The following RUNX1T1 variants were observed in gnomAD, a reference collection of about 807,000 sequenced individuals.
RUNX1T1 encodes the protein protein CBFA2T1.
RUNX1T1 carries 4 observed loss-of-function variants against 62.8 expected under a neutral mutation model. The observed-to-expected ratio is 0.06, with a 90% confidence interval of 0.03 to 0.15. The LOEUF is 0.15. Ranked by LOEUF, RUNX1T1 falls within the 10% of genes least tolerant of loss-of-function variation. The pLI is 1.00. For synonymous variants in RUNX1T1, 291 were observed against 286.0 expected (o/e 1.02, Z -0.18); for missense variants, 508 against 754.3 (o/e 0.67, Z 3.82).
At chr8:92,062,793 C>T in exon 1 of RUNX1T1, 2 of 1,481,310 alleles carry the variant, frequency 1.4e-6, no homozygotes, top group Admixed American at 4.4e-5. Context: ...GCACATGTGG[C>T]CTTGAACCCA....
chr8:91,977,182 T>G (rs1428546763), intron 8 of RUNX1T1: 1 of 197,742 alleles, frequency 5.1e-6, no homozygotes, highest in Non-Finnish European at 1.0e-5. Context: ...GCAAGAACAT[T>G]AGATTTTCTC....
At chr8:91,999,542 G>A (rs77322353) in intron 5 of RUNX1T1, among the ~76,000 whole-genome samples, 3,528 of 152,180 alleles carry the variant, frequency 0.023, 133 homozygotes, top group African/African-American at 0.08. Context: ...ACAGAATCAC[G>A]GCTATGAGAG....
chr8:92,073,354 T>C (rs1327140410), intron 2 of RUNX1T1, among the ~76,000 whole-genome samples: 1 of 152,130 alleles, frequency 6.6e-6, no homozygotes, highest in Admixed American at 6.5e-5. Context: ...ACCCCTTTAG[T>C]ATCATTTCCC....
chr8:91,975,857 G>A (rs974522999), intron 9 of RUNX1T1, 48 bp downstream of exon 10: 1 of 1,258,990 alleles, frequency 7.9e-7, no homozygotes, highest in African/African-American at 1.5e-5. Context: ...ATTAACAACT[G>A]CACACAGCTG....
upstream of RUNX1T1, among the ~76,000 whole-genome samples, chr8:92,101,816 G>A (rs1838049873): frequency 6.6e-6 from 1 of 152,166 alleles, no homozygotes; most frequent in Non-Finnish European, 1.5e-5. Flanking sequence ...TTTGCTCAAA[G>A]CACCCCAGTC....
At chr8:92,002,332 G>GAACAAAA (rs752090787) in intron 5 of RUNX1T1, among the ~76,000 whole-genome samples, 1 of 151,018 alleles carries the variant, frequency 6.6e-6, no homozygotes, top group Non-Finnish European at 1.5e-5. Flanking sequence ...TTCCATACAG[G>GAACAAAA]AACAAAAAAC....
chr8:91,991,833 C>T (rs1359364143), exon 6 of RUNX1T1: 5 of 1,614,054 alleles, frequency 3.1e-6, no homozygotes, highest in East Asian at 2.2e-5. Context: ...AGTGCATGGT[C>T]GCTTGCTTGG....
intron 1 of RUNX1T1, among the ~76,000 whole-genome samples, chr8:92,077,113 G>T (rs113407469): frequency 8.7e-4 from 133 of 152,064 alleles, no homozygotes; most frequent in Middle Eastern, 3.4e-3. Flanking sequence ...AAACAAGCAG[G>T]TTCTATTTTT....
At chr8:92,102,902 C>T (rs1011839134), upstream of RUNX1T1, 47 of 1,517,576 alleles carry the variant, frequency 3.1e-5, no homozygotes, top group African/African-American at 4.4e-4. This position sits in a 1 kb window ranked among gnomAD's most constrained non-coding sequence, Gnocchi z 4.5. Context: ...AGGCTCCGAG[C>T]TGCAAATAAA....
chr8:91,998,166 T>G (rs1367037046), intron 5 of RUNX1T1, among the ~76,000 whole-genome samples: 1 of 152,228 alleles, frequency 6.6e-6, no homozygotes, highest in Non-Finnish European at 1.5e-5. Flanking sequence ...CTTCAGGAAT[T>G]GTTAGGAAAG....
exon 1 of RUNX1T1, chr8:92,099,581 G>A (rs1207331469): frequency 1.0e-6 from 1 of 978,904 alleles, no homozygotes; most frequent in Non-Finnish European, 1.2e-6. Flanking sequence ...ATAACTTACA[G>A]TAATAGACTC....
chr8:92,028,199 T>C (rs573640066), intron 1 of RUNX1T1, among the ~76,000 whole-genome samples: 379 of 151,460 alleles, frequency 2.5e-3, no homozygotes, highest in African/African-American at 8.6e-3. Flanking sequence ...AGTAATTCTT[T>C]TTTTTTTTTT....
chr8:92,019,391 T>C (rs1823644004), intron 1 of RUNX1T1, among the ~76,000 whole-genome samples: 1 of 151,964 alleles, frequency 6.6e-6, no homozygotes, highest in Non-Finnish European at 1.5e-5. Context: ...AAGCACGTGG[T>C]TGCACAGACA....
chr8:92,072,767 C>T (rs1014572105), intron 2 of RUNX1T1, among the ~76,000 whole-genome samples: 1 of 152,108 alleles, frequency 6.6e-6, no homozygotes, highest in Non-Finnish European at 1.5e-5. Context: ...TCAAACATGA[C>T]CAAGAAAAAC....
chr8:92,090,767 G>A (rs1836864727), intron 1 of RUNX1T1, among the ~76,000 whole-genome samples: 1 of 152,158 alleles, frequency 6.6e-6, no homozygotes, highest in Non-Finnish European at 1.5e-5. Flanking sequence ...TTAATTTGGG[G>A]AATACGAAGA....
upstream of RUNX1T1, among the ~76,000 whole-genome samples, chr8:92,102,175 C>T (rs1330990937): frequency 2.0e-5 from 3 of 152,110 alleles, no homozygotes; most frequent in African/African-American, 7.2e-5. This position sits in a 1 kb window ranked among gnomAD's most constrained non-coding sequence, Gnocchi z 4.5. Context: ...CTGCGAAGCC[C>T]GGGACCAGCC....
chr8:92,102,380 C>G (rs1347210537), upstream of RUNX1T1, among the ~76,000 whole-genome samples: 1 of 151,548 alleles, frequency 6.6e-6, no homozygotes, highest in East Asian at 2.0e-4. This position sits in a 1 kb window ranked among gnomAD's most constrained non-coding sequence, Gnocchi z 4.5. Context: ...AAGTTTTCCA[C>G]CATCAAAACA....
At chr8:92,027,127 A>G (rs1045930067) in intron 1 of RUNX1T1, among the ~76,000 whole-genome samples, 4 of 148,750 alleles carry the variant, frequency 2.7e-5, no homozygotes, top group Non-Finnish European at 4.5e-5. Flanking sequence ...AAAAAAAAAA[A>G]AAAAAAAGAA....
Position 91,977,769 on chromosome 8 carries a change from T to C in RUNX1T1, c.1199-1796A>G, listed in dbSNP as rs189572087. On this transcript the variant is annotated intron_variant, in intron 8 of 10. Transcript: ENST00000396218. ...ATTTATTGTGTTAAGAAGAGACCTG[T>C]AGTTAATAAAAACTTATTTTTTTCT... Among the ~76,000 whole-genome samples the C allele has an allele frequency of 2.0e-5, 3 of 152,206 alleles. No individual in the cohort carries two copies. The East Asian group carries it at 5.8e-4, about 29-fold the overall frequency.
Sources: gnomAD v4.1 joint callset for allele counts (sites outside exome capture counted in the v4.1 genomes callset) on GRCh38, gnomAD v4.1.1 for gene constraint, Gnocchi (gnomAD v3.1) non-coding constraint, MANE v1.5 for transcripts, NCBI Gene and HGNC (gene_info 2026-07-23, HGNC 2026-07-21) for gene names.